ZNF365: variants seen among roughly 807,000 people sequenced by gnomAD.
ZNF365 encodes the protein zinc finger protein 365.
Under a neutral mutation model 35.0 loss-of-function variants are expected in ZNF365, and 22 were observed. That is an observed-to-expected ratio of 0.63 (90% CI 0.45 to 0.90). ZNF365 has a LOEUF of 0.90. ZNF365 is among the 40% of genes least tolerant of loss of function. ZNF365 has a pLI of 0.00. For missense variants in ZNF365, 448 were observed against 500.3 expected, an observed-to-expected ratio of 0.90 and a Z score of 1.00; for synonymous variants, 188 against 196.2, an observed-to-expected ratio of 0.96 and a Z score of 0.35.
chr10:62,409,397 AT>A (rs1839952304), intron 3 of ZNF365, among the ~76,000 whole-genome samples: 2 of 152,274 alleles, frequency 1.3e-5, no homozygotes, highest in South Asian at 4.1e-4. Flanking sequence ...TAAGAATGCC[AT>A]TTTAATAAAC....
intron 3 of ZNF365, among the ~76,000 whole-genome samples, chr10:62,396,470 GT>G (rs1839730055): frequency 6.6e-6 from 1 of 152,176 alleles, no homozygotes; most frequent in Non-Finnish European, 1.5e-5. Flanking sequence ...TCTGTGGTCA[GT>G]TTTTGATCTG....
chr10:62,454,880 T>A (rs947477641), intron 3 of ZNF365, among the ~76,000 whole-genome samples: 1 of 152,094 alleles, frequency 6.6e-6, no homozygotes, highest in Non-Finnish European at 1.5e-5. Flanking sequence ...GAGACAGTGG[T>A]GCTGATTGGA....
rs148035675 is a variant in ZNF365 at position 62,388,408 on chromosome 10, A to G, written c.756A>G (p.Thr252=). 75 of 1,614,232 alleles carry G rather than the reference A, an allele frequency of 4.6e-5. No individual in the cohort carries two copies. In the East Asian group the frequency reaches 1.4e-3, roughly 30 times the overall value. ...TTTTGCCTTGCAGAGAAGTTGTCACATTCAACCATTTCCTGGAAGCGGCAG... is the reference window on the plus strand; with the variant it reads ...TTTTGCCTTGCAGAGAAGTTGTCACGTTCAACCATTTCCTGGAAGCGGCAG... ...ELLRKEEEVV[T]FNHFLEAAAE... The change falls in exon 3 of 5, where the codon ACA becomes ACG. Residue 252 remains threonine (T), a synonymous_variant. Transcript: ENST00000395254.
intron 4 of ZNF365, among the ~76,000 whole-genome samples, chr10:62,477,227 T>G (rs1335320940): frequency 2.0e-5 from 3 of 152,114 alleles, no homozygotes; most frequent in Non-Finnish European, 4.4e-5. Flanking sequence ...GGTTTTGAGA[T>G]GAAGCAGTGG....
intron 3 of ZNF365, among the ~76,000 whole-genome samples, chr10:62,459,528 G>T (rs1437141502): frequency 6.6e-6 from 1 of 152,142 alleles, no homozygotes; most frequent in African/African-American, 2.4e-5. Context: ...TTAATATAGG[G>T]TAACAAAACT....
At chr10:62,441,564 T>C (rs1840501817) in intron 3 of ZNF365, among the ~76,000 whole-genome samples, 1 of 152,004 alleles carries the variant, frequency 6.6e-6, no homozygotes, top group Non-Finnish European at 1.5e-5. Context: ...AGTCTCTGGG[T>C]GCGTAAATCA....
intron 1 of ZNF365, chr10:62,375,962 A>G (rs193165248): frequency 5.7e-6 from 3 of 527,204 alleles, no homozygotes; most frequent in Non-Finnish European, 1.0e-5. Flanking sequence ...TGTGGTTTAC[A>G]ATAAATAATA....
intron 4 of ZNF365, among the ~76,000 whole-genome samples, chr10:62,475,820 T>C (rs1485308026): frequency 6.6e-6 from 1 of 152,188 alleles, no homozygotes; most frequent in Non-Finnish European, 1.5e-5. Flanking sequence ...CTGTGATCAA[T>C]TATCTAAAAA....
At chr10:62,377,871 T>C (rs920405780) in intron 2 of ZNF365, among the ~76,000 whole-genome samples, 8 of 152,230 alleles carry the variant, frequency 5.3e-5, no homozygotes, top group African/African-American at 1.9e-4. Flanking sequence ...TTGAGTTCTA[T>C]TATAGAGATT....
chr10:62,476,900 A>C (rs1266559962), intron 4 of ZNF365, among the ~76,000 whole-genome samples: 1 of 152,228 alleles, frequency 6.6e-6, no homozygotes, highest in African/African-American at 2.4e-5. Context: ...CTGTCTTATT[A>C]GTGGGCAATG....
At chr10:62,395,890 T>C (rs572159944) in intron 3 of ZNF365, among the ~76,000 whole-genome samples, 1 of 152,164 alleles carries the variant, frequency 6.6e-6, no homozygotes, top group Non-Finnish European at 1.5e-5. Flanking sequence ...AGTACAAGGC[T>C]ATTTATATTT....
rs774896162 is a variant in ZNF365 at position 62,400,950 on chromosome 10, C to G, written c.*1161C>G. The G allele has an allele frequency of 1.0e-6, 1 of 985,494 alleles. No homozygotes were observed. The highest frequency in any genetic ancestry group is 1.2e-6 in the Non-Finnish European group (1 of 829,922). The allele number at this position is 985,494 out of a possible 1,614,324, so 61.0% of individuals were successfully genotyped here. A position where few individuals can be genotyped will look rare whatever the true frequency, so the allele number is the denominator to read the frequency against. ...GACACTGTCTTCCCCTCCTTCCCTC[C>G]CTAAAATGGCTTTAGTTTCCACAAA... On this transcript the variant is annotated 3_prime_UTR_variant, in exon 5 of 5. Transcript: ENST00000395254.
At chr10:62,439,915 G>A (rs1840468414) in intron 3 of ZNF365, among the ~76,000 whole-genome samples, 1 of 152,060 alleles carries the variant, frequency 6.6e-6, no homozygotes, top group Non-Finnish European at 1.5e-5. Context: ...TTAGAACCTG[G>A]CCCAGTGCTT....
chr10:62,401,854 A>G lies in ZNF365; in HGVS notation c.*2065A>G, dbSNP rs531752450. ...TACCCCATGATCTTCAGAAAGTACC[A>G]TAATGTCATCCTACTCTACATTTCA... On this transcript the variant is annotated 3_prime_UTR_variant, in exon 5 of 5. Transcript: ENST00000395254. The G allele has an allele frequency of 2.9e-5, 29 of 985,586 alleles. No individual in the cohort carries two copies. In the South Asian group the frequency reaches 9.4e-4, roughly 32 times the overall value. The allele number at this position is 985,586 out of a possible 1,614,324, so 61.1% of individuals were successfully genotyped here.
chr10:62,394,120 T>C (rs1453653534), intron 3 of ZNF365, among the ~76,000 whole-genome samples: 1 of 152,202 alleles, frequency 6.6e-6, no homozygotes, highest in Non-Finnish European at 1.5e-5. Flanking sequence ...TTTCAGATTT[T>C]AGATTTTTTT....
intron 3 of ZNF365, among the ~76,000 whole-genome samples, chr10:62,458,612 A>G (rs780681681): frequency 1.3e-5 from 2 of 152,136 alleles, no homozygotes; most frequent in African/African-American, 2.4e-5. Flanking sequence ...TACTGGCTTA[A>G]TTGAATACCC....
intron 3 of ZNF365, among the ~76,000 whole-genome samples, chr10:62,449,446 G>T (rs1840643468): frequency 6.6e-6 from 1 of 152,006 alleles, no homozygotes; most frequent in African/African-American, 2.4e-5. Flanking sequence ...TTTTGCTGGG[G>T]TTCTATGTTT....
intron 3 of ZNF365, among the ~76,000 whole-genome samples, chr10:62,392,197 G>T (rs1289415047): frequency 6.6e-6 from 1 of 152,160 alleles, no homozygotes; most frequent in Non-Finnish European, 1.5e-5. Context: ...TCTGTGGGTT[G>T]TCTGTATACT....
chr10:62,388,268 C>T lies in ZNF365; in HGVS notation c.744-128C>T, dbSNP rs1253265706. The T allele has an allele frequency of 1.4e-5, 13 of 924,038 alleles. No homozygotes were observed. In the East Asian group the frequency reaches 2.9e-4, roughly 20 times the overall value. The allele number at this position is 924,038 out of a possible 1,614,324, so 57.2% of individuals were successfully genotyped here. On this transcript the variant is annotated intron_variant, in intron 2 of 4. Coordinates refer to ENST00000395254, the MANE Select transcript of ZNF365 (RefSeq NM_014951.3). ...ATCACAAAGAGGTGATTACCTCTCT[C>T]GTCATTGCCATGGAGTACTGCCTAG...
Sources: gnomAD v4.1 joint callset for allele counts (sites outside exome capture counted in the v4.1 genomes callset) on GRCh38, gnomAD v4.1.1 for gene constraint, MANE v1.5 for transcripts, NCBI Gene and HGNC (gene_info 2026-07-23, HGNC 2026-07-21) for gene names.